The following AP1G1 variants were observed in gnomAD, a reference collection of about 807,000 sequenced individuals.
AP1G1 encodes the protein adaptor related protein complex 1 subunit gamma 1.
Under a neutral mutation model 108.3 loss-of-function variants are expected in AP1G1, and 7 were observed. The ratio of observed to expected loss-of-function variants is 0.06; its 90% CI spans 0.04 to 0.12. AP1G1 has a LOEUF of 0.12. Ranked by LOEUF, AP1G1 falls within the 10% of genes least tolerant of loss-of-function variation. AP1G1 has a pLI of 1.00. For synonymous variants in AP1G1, 379 were observed against 353.5 expected (o/e 1.07, Z -0.81); for missense variants, 756 against 1,010.7 (o/e 0.75, Z 3.42).
At chr16:71,786,230 T>C (rs1236481390) in intron 2 of AP1G1, among the ~76,000 whole-genome samples, 2 of 152,182 alleles carry the variant, frequency 1.3e-5, no homozygotes, top group South Asian at 2.1e-4. Flanking sequence ...GCACATTCTA[T>C]TTAAACATAT....
rs1160006508 is a variant in AP1G1, at chr16:71,808,145, C to T, written c.-4+618G>A. ...TATTAGACGCTGACGTCCGCAGGGC[C>T]AGGAGCTGAGAAAAGGGTAAACAGT... On this transcript the variant is annotated intron_variant, in intron 1 of 22. Coordinates refer to ENST00000299980, the MANE Select transcript of AP1G1 (RefSeq NM_001128.6). The T allele has an allele frequency of 5.2e-6, 6 of 1,148,314 alleles. No homozygotes were observed. In the East Asian group the frequency reaches 3.8e-4, roughly 73 times the overall value. The allele number at this position is 1,148,314 out of a possible 1,614,324, so 71.1% of individuals were successfully genotyped here.
In AP1G1 at chr16:71,754,941, C is replaced by T. The variant is rs115290131; in HGVS notation, c.1230-1054G>A. Among the ~76,000 whole-genome samples the T allele has an allele frequency of 4.5e-3, 689 of 151,758 alleles. 10 individuals carry two copies. Among genetic ancestry groups the T allele is most frequent in the African/African-American group, 0.016 (662 of 41,348 alleles). On this transcript the variant is annotated intron_variant, in intron 12 of 22. Coordinates refer to ENST00000299980, the MANE Select transcript of AP1G1 (RefSeq NM_001128.6). Reference sequence around the variant, plus strand: ...TGAATCATTCAGTCAGGGCAGGAGACGATAAAGAAGAAAGAAGAAAAGGGA... The same window carrying T: ...TGAATCATTCAGTCAGGGCAGGAGATGATAAAGAAGAAAGAAGAAAAGGGA...
chr16:71,737,085 C>A (rs1470471858), intron 21 of AP1G1, among the ~76,000 whole-genome samples: 2 of 152,076 alleles, frequency 1.3e-5, no homozygotes, highest in African/African-American at 4.8e-5. Context: ...CAAACAGTGC[C>A]TGATTCAAAA....
intron 2 of AP1G1, among the ~76,000 whole-genome samples, chr16:71,787,442 C>T (rs2032246107): frequency 6.6e-6 from 1 of 152,016 alleles, no homozygotes. Context: ...AGTGAGCCAT[C>T]ACAGAGCCAC....
chr16:71,806,884 T>C (rs1032622526), intron 1 of AP1G1, among the ~76,000 whole-genome samples: 1 of 152,214 alleles, frequency 6.6e-6, no homozygotes, highest in African/African-American at 2.4e-5. Context: ...TCATATGACC[T>C]ATAGAGGAAT....
chr16:71,748,115 G>C, intron 16 of AP1G1, 136 bp downstream of exon 16: 1 of 881,074 alleles, frequency 1.1e-6, no homozygotes, highest in Non-Finnish European at 1.7e-6. Flanking sequence ...GGAGAAATAA[G>C]TAATGGAAAT....
At position 71,748,347 on chromosome 16, in the gene AP1G1, T is replaced by G. The variant is rs541196245; in HGVS notation, c.1529A>C (p.Glu510Ala). The G allele has an allele frequency of 6.2e-7, 1 of 1,613,402 alleles. No individual in the cohort carries two copies. The highest frequency in any genetic ancestry group is 8.5e-7 in the Non-Finnish European group (1 of 1,179,800). Residue 510 changes from glutamate to alanine, a missense_variant, in exon 16 of 23, where the codon GAA becomes GCA. Physicochemically the swap from Glu to Ala is moderately radical, Grantham distance 107. Transcript: ENST00000299980. Reference sequence around the variant, plus strand: ...GGACATATTAGAGATTAGGACACTTTCTAAAATATCCAACACTTCATCCTC... The same window carrying G: ...GGACATATTAGAGATTAGGACACTTGCTAAAATATCCAACACTTCATCCTC... Reference protein sequence around the residue: ...VTEDEVLDILESVLISNMSTS... With the variant: ...VTEDEVLDILASVLISNMSTS...
At chr16:71,760,328 A>C (rs2031020261) in intron 10 of AP1G1, among the ~76,000 whole-genome samples, 1 of 151,178 alleles carries the variant, frequency 6.6e-6, no homozygotes, top group Non-Finnish European at 1.5e-5. Flanking sequence ...TGATTACCTA[A>C]GGTTAGGAGT....
intron 1 of AP1G1, among the ~76,000 whole-genome samples, chr16:71,805,121 G>A (rs2032952134): frequency 6.6e-6 from 1 of 152,106 alleles, no homozygotes; most frequent in Non-Finnish European, 1.5e-5. Context: ...CTGAGTAAAA[G>A]CAACAGAGAA....
At position 71,765,669 on chromosome 16, in the gene AP1G1, G is replaced by T. The variant is rs754814052; in HGVS notation, c.643-85C>A. The stretch of plus-strand genomic sequence containing the variant: ...GCAGGTCCTTTGGTTTAGAAAAAGG[G>T]TGTAAGGGTCCCAGTCCAAGCAAAT... On this transcript the variant is annotated intron_variant, in intron 6 of 22. Transcript: ENST00000299980. 4 of 1,070,692 alleles carry T rather than the reference G, an allele frequency of 3.7e-6. No individual in the cohort carries two copies. In the East Asian group the frequency reaches 7.3e-5, roughly 20 times the overall value. 66.3% of individuals were successfully genotyped at this position (1,070,692 alleles called of 1,614,324 possible). A position where few individuals can be genotyped will look rare whatever the true frequency, so the allele number is the denominator to read the frequency against.
intron 10 of AP1G1, 115 bp from the exon 11 acceptor site, chr16:71,759,036 T>C: frequency 1.6e-6 from 1 of 635,168 alleles, no homozygotes; most frequent in Non-Finnish European, 2.7e-6. Context: ...CATACATTTT[T>C]ATTTAAAAGA....
At chr16:71,754,009 G>A (rs1567646255) in intron 12 of AP1G1, 122 bp from the exon 13 acceptor site, 3 of 883,704 alleles carry the variant, frequency 3.4e-6, no homozygotes, top group Admixed American at 4.0e-5. Context: ...GGAGGCCGAG[G>A]TGGGAGATCA....
intron 5 of AP1G1, 151 bp downstream of exon 5, chr16:71,771,005 C>G (rs901201862): frequency 2.2e-6 from 1 of 458,160 alleles, no homozygotes; most frequent in African/African-American, 2.0e-5. Context: ...AGTGGAAAGA[C>G]TTGTCAGACC....
intron 13 of AP1G1, chr16:71,751,360 A>G (rs2030492500): frequency 6.6e-6 from 1 of 151,602 alleles, no homozygotes; most frequent in Admixed American, 6.6e-5. Flanking sequence ...TAAAGGTTTA[A>G]AACTTTATCA....
chr16:71,758,343 T>A (rs1377970743), intron 11 of AP1G1: 2 of 486,642 alleles, frequency 4.1e-6, no homozygotes, highest in Non-Finnish European at 8.3e-6. Context: ...CATTTCAGGA[T>A]ACACTGTTCT....
At chr16:71,797,311 T>C (rs1360232390) in intron 1 of AP1G1, among the ~76,000 whole-genome samples, 1 of 152,114 alleles carries the variant, frequency 6.6e-6, no homozygotes, top group African/African-American at 2.4e-5. Context: ...TTAACTTCTA[T>C]ATATAGTCTG....
At chr16:71,767,972 T>C in intron 6 of AP1G1, 2 of 1,411,426 alleles carry the variant, frequency 1.4e-6, no homozygotes, top group Non-Finnish European at 2.0e-6. Flanking sequence ...CATACTATAT[T>C]ACAATAATTT....
In AP1G1 at chr16:71,804,874, G is replaced by A. The variant is rs145824300; in HGVS notation, c.-4+3889C>T. ...TCCACAAAAAAATAATAAATCAGGC[G>A]GCACATGCCTACAGTCCCAGCTACT... is the stretch of plus-strand genomic sequence containing the variant. On this transcript the variant is annotated intron_variant, in intron 1 of 22. Coordinates refer to ENST00000299980, the MANE Select transcript of AP1G1 (RefSeq NM_001128.6). 2.9e-3 allele frequency among the ~76,000 whole-genome samples: 439 copies of A among 152,114 alleles called. 1 individual carries two copies. The highest frequency in any genetic ancestry group is 8.9e-3 in the Admixed American group (136 of 15,254).
At chr16:71,779,141 G>A (rs1003251196) in intron 2 of AP1G1, among the ~76,000 whole-genome samples, 1 of 152,156 alleles carries the variant, frequency 6.6e-6, no homozygotes, top group African/African-American at 2.4e-5. Flanking sequence ...AAGCCTAAGA[G>A]ATCGAAGTTT....
Sources: gnomAD v4.1 joint callset for allele counts (sites outside exome capture counted in the v4.1 genomes callset) on GRCh38, gnomAD v4.1.1 for gene constraint, MANE v1.5 for transcripts, NCBI Gene and HGNC (gene_info 2026-07-23, HGNC 2026-07-21) for gene names.